CYRIB: variants seen among roughly 807,000 people sequenced by gnomAD.
CYRIB encodes CYFIP related Rac1 interactor B.
In CYRIB, 8 loss-of-function variants were observed where a neutral mutation model predicts 44.2. The observed-to-expected ratio is 0.18, with a 90% CI of 0.11 to 0.33. The LOEUF (loss-of-function observed/expected upper bound fraction) is 0.33. CYRIB is among the 10% of genes least tolerant of loss of function. CYRIB has a pLI of 1.00. For missense variants in CYRIB, 185 were observed against 382.8 expected (o/e 0.48, Z 4.31); for synonymous variants, 131 against 127.2 (o/e 1.03, Z -0.20).
intron 1 of CYRIB, among the ~76,000 whole-genome samples, chr8:129,925,587 G>A (rs2087117232): frequency 6.6e-6 from 1 of 151,984 alleles, no homozygotes; most frequent in Non-Finnish European, 1.5e-5. Flanking sequence ...CTTCTCTCAG[G>A]TGGCCCTCAT....
At chr8:129,984,681 G>T (rs954349233) in intron 1 of CYRIB, among the ~76,000 whole-genome samples, 1 of 152,114 alleles carries the variant, frequency 6.6e-6, no homozygotes, top group Admixed American at 6.6e-5. Context: ...ACACGCTAGG[G>T]CTTTAATTCA....
chr8:129,925,311 T>C (rs893903182), intron 1 of CYRIB, among the ~76,000 whole-genome samples: 1 of 152,110 alleles, frequency 6.6e-6, no homozygotes, highest in Non-Finnish European at 1.5e-5. Context: ...GGCACGAGAA[T>C]TGCTTGAACC....
At chr8:129,991,441 G>T (rs2096631323) in intron 1 of CYRIB, among the ~76,000 whole-genome samples, 1 of 152,092 alleles carries the variant, frequency 6.6e-6, no homozygotes, top group Non-Finnish European at 1.5e-5. Context: ...TTATGGGTTG[G>T]TGAGTTAATG....
At chr8:129,901,108 C>A (rs554297106) in intron 2 of CYRIB, among the ~76,000 whole-genome samples, 1 of 152,338 alleles carries the variant, frequency 6.6e-6, no homozygotes, top group African/African-American at 2.4e-5. Context: ...CACACGCCAC[C>A]ACACCTGGCT....
chr8:129,863,039 T>A (rs1363567699), intron 4 of CYRIB, among the ~76,000 whole-genome samples: 1 of 152,222 alleles, frequency 6.6e-6, no homozygotes, highest in East Asian at 1.9e-4. Flanking sequence ...GTTTCCCATA[T>A]CACAGAGTCT....
chr8:129,930,365 T>TTATATATATATATATATA (rs1554659983), intron 1 of CYRIB, among the ~76,000 whole-genome samples: 1,558 of 50,332 alleles, frequency 0.031, 279 homozygotes, highest in African/African-American at 0.096. Flanking sequence ...TGTGAAGTGC[T>TTATATATATATATATATA]TATATATATA....
chr8:129,864,796 G>A (rs957019438), intron 4 of CYRIB: 21 of 438,972 alleles, frequency 4.8e-5, no homozygotes, highest in South Asian at 1.4e-4. Context: ...GTGGGGCCGC[G>A]TCCTGAATTC....
chr8:129,893,606 G>A (rs2066443666), intron 2 of CYRIB, among the ~76,000 whole-genome samples: 2 of 152,160 alleles, frequency 1.3e-5, no homozygotes, highest in South Asian at 4.1e-4. Context: ...AGTTGCTTCA[G>A]ATGGGCTACT....
intron 2 of CYRIB, among the ~76,000 whole-genome samples, chr8:129,901,188 G>A (rs1044722548): frequency 6.6e-6 from 1 of 152,042 alleles, no homozygotes; most frequent in Admixed American, 6.6e-5. Flanking sequence ...CTTCTTCAAA[G>A]CTATTTCACA....
upstream of CYRIB, among the ~76,000 whole-genome samples, chr8:129,943,702 C>T (rs1375522616): frequency 1.4e-5 from 2 of 144,328 alleles, no homozygotes; most frequent in Non-Finnish European, 3.0e-5. Flanking sequence ...GGGTTCACGC[C>T]ATTCTCCTGC....
At chr8:129,842,079 C>G (rs1305040156) in exon 12 of CYRIB, 1 of 1,185,888 alleles carries the variant, frequency 8.4e-7, no homozygotes, top group Non-Finnish European at 1.2e-6. Context: ...CACTAAAAAA[C>G]TGCATTCTCA....
chr8:129,891,337 T>C (rs1360784869), intron 2 of CYRIB, among the ~76,000 whole-genome samples: 1 of 152,230 alleles, frequency 6.6e-6, no homozygotes, highest in Non-Finnish European at 1.5e-5. Flanking sequence ...GCTTTCCTGG[T>C]TGGAATTTGA....
chr8:129,905,245 T>C (rs2074648154), intron 1 of CYRIB, among the ~76,000 whole-genome samples: 1 of 151,090 alleles, frequency 6.6e-6, no homozygotes, highest in African/African-American at 2.4e-5. Flanking sequence ...TGAGATGGAG[T>C]CTCACTCTGT....
chr8:129,903,718 A>T (rs1211393046), intron 1 of CYRIB, among the ~76,000 whole-genome samples: 1 of 152,254 alleles, frequency 6.6e-6, no homozygotes, highest in Non-Finnish European at 1.5e-5. Flanking sequence ...GCAGGGGCCT[A>T]AAACTATGAA....
intron 1 of CYRIB, among the ~76,000 whole-genome samples, 184 bp downstream of exon 1, chr8:130,016,186 A>C (rs1417016531): frequency 2.1e-5 from 3 of 144,878 alleles, no homozygotes; most frequent in African/African-American, 5.0e-5. Context: ...CGCCCCCACC[A>C]CGGCGGCGCC....
chr8:129,926,376 C>G (rs1009860869), intron 1 of CYRIB, among the ~76,000 whole-genome samples: 1 of 152,228 alleles, frequency 6.6e-6, no homozygotes, highest in African/African-American at 2.4e-5. Flanking sequence ...CAAATTTCCA[C>G]TGAACTAGTG....
At chr8:129,847,667 A>G (rs1326416970) in intron 10 of CYRIB, among the ~76,000 whole-genome samples, 7 of 152,210 alleles carry the variant, frequency 4.6e-5, no homozygotes, top group African/African-American at 9.6e-5. Flanking sequence ...GGGGACTCAC[A>G]GGTTATTTTA....
intron 1 of CYRIB, among the ~76,000 whole-genome samples, chr8:129,910,478 T>C (rs13270747): frequency 2.4e-4 from 15 of 61,788 alleles, no homozygotes; most frequent in African/African-American, 7.7e-4. Context: ...CTTCTTTCAC[T>C]TTTTTTTTTT....
At chr8:129,849,523 T>G (rs1413755310) in intron 9 of CYRIB, 154 bp from the exon 12 acceptor site, 1 of 629,866 alleles carries the variant, frequency 1.6e-6, no homozygotes, top group East Asian at 3.2e-5. Flanking sequence ...CACTGATACA[T>G]TCAAATCTTA....
Sources: allele counts gnomAD v4.1 joint callset (sites outside exome capture counted in the v4.1 genomes callset), GRCh38; gene constraint gnomAD v4.1.1; transcripts MANE v1.5; gene names NCBI Gene and HGNC (gene_info 2026-07-23, HGNC 2026-07-21).